The following CHST3 variants were observed in gnomAD, a reference collection of about 807,000 sequenced individuals.
The protein encoded by CHST3 is carbohydrate sulfotransferase 3, also known as C6ST-1.
A neutral mutation model predicts 35.4 loss-of-function variants in CHST3; 20 were observed. The observed-to-expected ratio is 0.57, with a 90% CI of 0.40 to 0.82. The LOEUF (loss-of-function observed/expected upper bound fraction) is 0.82. Among genes scored for constraint, CHST3 ranks in the 40% least tolerant of loss-of-function variants. The pLI is 0.00. For synonymous variants in CHST3, 334 were observed against 295.9 expected (o/e 1.13, Z -1.32); for missense variants, 693 against 670.1 (o/e 1.03, Z -0.38).
chr10:71,982,726 C>G (rs1392137898), intron 1 of CHST3, among the ~76,000 whole-genome samples: 3 of 151,968 alleles, frequency 2.0e-5, no homozygotes. Context: ...TCAGCCTGGG[C>G]AACAGAGCAT....
At position 72,011,492 on chromosome 10, in the gene CHST3, G is replaced by A. The variant is rs1035291799; in HGVS notation, c.*3021G>A. 1 of 152,254 alleles carries A rather than the reference G, an allele frequency of 6.6e-6. No homozygotes were observed. The highest frequency in any genetic ancestry group is 2.4e-5 in the African/African-American group (1 of 41,446). 9.4% of individuals were successfully genotyped at this position (152,254 alleles called of 1,614,324 possible). On this transcript the variant is annotated 3_prime_UTR_variant, in exon 3 of 3. Transcript: ENST00000373115. ...TTCAGCTTGGAGCTGGGATGGAGAA[G>A]ATGGAAGCACTGGTGGCCGGGCCTC...
rs890458768 is a variant in CHST3, at chr10:72,011,168, A to G, written c.*2697A>G. ...GACACCAGAAGACGATTCAGAACAC[A>G]AGAGGAGAATGAGCTGGAGCGCCAG... On this transcript the variant is annotated 3_prime_UTR_variant, in exon 3 of 3. Transcript: ENST00000373115. 2.6e-5 allele frequency: 4 copies of G among 152,222 alleles called. No individual in the cohort carries two copies. The highest frequency in any genetic ancestry group is 9.7e-5 in the African/African-American group (4 of 41,438). 9.4% of individuals were successfully genotyped at this position (152,222 alleles called of 1,614,324 possible).
At chr10:71,992,923 A>G (rs1839911415) in intron 1 of CHST3, among the ~76,000 whole-genome samples, 1 of 152,094 alleles carries the variant, frequency 6.6e-6, no homozygotes, top group Admixed American at 6.5e-5. Context: ...CGGCCCCCCA[A>G]AGTGTGGGGA....
chr10:71,975,775 C>T (rs926066679), intron 1 of CHST3, among the ~76,000 whole-genome samples: 2 of 152,258 alleles, frequency 1.3e-5, no homozygotes, highest in African/African-American at 4.8e-5. Flanking sequence ...TGCTGCAACT[C>T]ACAGCTCTCT....
intron 1 of CHST3, among the ~76,000 whole-genome samples, chr10:71,993,829 G>A (rs1325040837): frequency 3.3e-5 from 5 of 152,120 alleles, no homozygotes; most frequent in Admixed American, 3.3e-4. Flanking sequence ...GCCGGGTGCA[G>A]TGGCTCACAT....
Position 72,012,069 on chromosome 10 carries a change from T to C in CHST3, c.*3598T>C, listed in dbSNP as rs1258152697. 6.6e-6 allele frequency: 1 copy of C among 152,206 alleles called. No individual in the cohort carries two copies. The highest frequency in any genetic ancestry group is 1.5e-5 in the Non-Finnish European group (1 of 68,040). The allele number at this position is 152,206 out of a possible 1,614,324, so 9.4% of individuals were successfully genotyped here. On this transcript the variant is annotated 3_prime_UTR_variant, in exon 3 of 3. Transcript: ENST00000373115. Reference sequence around the variant, plus strand: ...CACTTGAAAATAAACAGAAAAGAGATGTTTAATAACAAGTTTACTTCCGGT... The same window carrying C: ...CACTTGAAAATAAACAGAAAAGAGACGTTTAATAACAAGTTTACTTCCGGT...
intron 1 of CHST3, among the ~76,000 whole-genome samples, chr10:72,000,841 G>A (rs1226973802): frequency 1.3e-5 from 2 of 152,034 alleles, no homozygotes; most frequent in South Asian, 2.1e-4. Context: ...GAAGAGGCTG[G>A]GCCTGAGGAA....
chr10:72,008,941 C>A lies in CHST3; in HGVS notation c.*470C>A, dbSNP rs1264170335. The A allele has an allele frequency of 6.4e-6, 1 of 156,368 alleles. No individual in the cohort carries two copies. The highest frequency in any genetic ancestry group is 6.3e-5 in the Admixed American group (1 of 15,950). 9.7% of individuals were successfully genotyped at this position (156,368 alleles called of 1,614,324 possible). A position where few individuals can be genotyped will look rare whatever the true frequency, so the allele number is the denominator to read the frequency against. The stretch of plus-strand genomic sequence containing the variant: ...TCCTTGGAGGAGGGGCTAGGACAGC[C>A]GTGGGTGTCAAAGGTGGCATTTGAG... On this transcript the variant is annotated 3_prime_UTR_variant, in exon 3 of 3. Transcript: ENST00000373115.
At chr10:71,996,827 C>T (rs1839944030) in intron 1 of CHST3, among the ~76,000 whole-genome samples, 1 of 152,174 alleles carries the variant, frequency 6.6e-6, no homozygotes, top group African/African-American at 2.4e-5. Flanking sequence ...GAGCTGGGCT[C>T]CTCCTAGCTT....
chr10:71,977,338 G>A (rs908400668), intron 1 of CHST3, among the ~76,000 whole-genome samples: 7 of 152,172 alleles, frequency 4.6e-5, no homozygotes, highest in African/African-American at 1.7e-4. Context: ...CTCTTGTCTT[G>A]CAGGGCAGTA....
At position 72,007,481 on chromosome 10, in the gene CHST3, G is replaced by A; in HGVS notation, c.450G>A (p.Glu150=). 1.2e-6 allele frequency: 2 copies of A among 1,602,304 alleles called. No individual in the cohort carries two copies. The highest frequency in any genetic ancestry group is 4.5e-5 in the East Asian group (2 of 44,860). The change falls in exon 3 of 3, where the codon GAG becomes GAA. Residue 150 remains glutamate (E), a synonymous_variant. Transcript: ENST00000373115. ...TTRTGSSFVG[E]FFNQQGNIFY... ...GCACCGGCTCCTCGTTCGTGGGCGA[G>A]TTCTTCAACCAGCAGGGCAACATCT...
At chr10:71,982,745 C>T (rs1251874895) in intron 1 of CHST3, among the ~76,000 whole-genome samples, 1 of 151,496 alleles carries the variant, frequency 6.6e-6, no homozygotes, top group African/African-American at 2.4e-5. Flanking sequence ...ATGACCCTGT[C>T]TCAAAAAAAA....
chr10:71,965,075 C>T (rs1436086014), intron 1 of CHST3, among the ~76,000 whole-genome samples: 1 of 152,170 alleles, frequency 6.6e-6, no homozygotes, highest in East Asian at 1.9e-4. Flanking sequence ...CGGCCTTTGT[C>T]TGCTGCCCCC....
In CHST3 at chr10:72,008,543, G is replaced by T; in HGVS notation, c.*72G>T. On this transcript the variant is annotated 3_prime_UTR_variant, in exon 3 of 3. Transcript: ENST00000373115. ...TCTTTCTGCCGCAGCCCTCGCAGAG[G>T]GCGGGTGCACAGCGCCATGAGCGGG... 6.9e-7 allele frequency: 1 copy of T among 1,449,742 alleles called. No homozygotes were observed. The allele number at this position is 1,449,742 out of a possible 1,614,324, so 89.8% of individuals were successfully genotyped here. A position where few individuals can be genotyped will look rare whatever the true frequency, so the allele number is the denominator to read the frequency against.
chr10:71,991,988 G>A (rs1029377852), intron 1 of CHST3, among the ~76,000 whole-genome samples: 2 of 151,976 alleles, frequency 1.3e-5, no homozygotes, highest in South Asian at 2.1e-4. Flanking sequence ...GTGTACAGTA[G>A]TATGTCTAAA....
intron 1 of CHST3, among the ~76,000 whole-genome samples, chr10:71,965,058 A>G (rs1253291557): frequency 3.3e-5 from 5 of 152,172 alleles, no homozygotes; most frequent in Non-Finnish European, 2.9e-5. Flanking sequence ...CCCCTCCGTC[A>G]CATCCACGGC....
At chr10:71,976,640 G>A (rs958869730) in intron 1 of CHST3, among the ~76,000 whole-genome samples, 1 of 152,192 alleles carries the variant, frequency 6.6e-6, no homozygotes, top group Non-Finnish European at 1.5e-5. Flanking sequence ...CTGGGGAGCT[G>A]TCTTTGCTCT....
intron 1 of CHST3, among the ~76,000 whole-genome samples, chr10:72,004,498 G>A (rs560237203): frequency 1.1e-3 from 161 of 152,274 alleles, no homozygotes; most frequent in African/African-American, 3.7e-3. Context: ...GAATTTATGC[G>A]CTATGATATT....
In CHST3 at chr10:72,008,573, G is replaced by A. The variant is rs1293694212; in HGVS notation, c.*102G>A. The A allele has an allele frequency of 2.4e-5, 34 of 1,437,200 alleles. No individual in the cohort carries two copies. Among genetic ancestry groups the A allele is most frequent in the Non-Finnish European group, 3.0e-5 (33 of 1,099,308 alleles). 89.0% of individuals were successfully genotyped at this position (1,437,200 alleles called of 1,614,324 possible). A position where few individuals can be genotyped will look rare whatever the true frequency, so the allele number is the denominator to read the frequency against. On this transcript the variant is annotated 3_prime_UTR_variant, in exon 3 of 3. Coordinates refer to ENST00000373115, the MANE Select transcript of CHST3 (RefSeq NM_004273.5). ...GTGCACAGCGCCATGAGCGGGCAGCGCCTCCTGTAGCAGTAGGGCCCCCAG... is the reference window on the plus strand; with the variant it reads ...GTGCACAGCGCCATGAGCGGGCAGCACCTCCTGTAGCAGTAGGGCCCCCAG...
Sources: gnomAD v4.1 joint callset for allele counts (sites outside exome capture counted in the v4.1 genomes callset) on GRCh38, gnomAD v4.1.1 for gene constraint, MANE v1.5 for transcripts, NCBI Gene and HGNC (gene_info 2026-07-23, HGNC 2026-07-21) for gene names.